The following CCDC50 variants were observed in gnomAD, a reference collection of about 807,000 sequenced individuals.
CCDC50 encodes the protein coiled-coil domain-containing protein 50.
In CCDC50, 54 loss-of-function variants were observed where a neutral mutation model predicts 70.2. The ratio of observed to expected loss-of-function variants is 0.77; its 90% CI spans 0.62 to 0.96. CCDC50 has a LOEUF of 0.96. CCDC50 is among the 50% of genes least tolerant of loss of function. The pLI, the probability that CCDC50 is intolerant of heterozygous loss-of-function variation, is 0.00. For missense variants in CCDC50, 558 were observed against 578.7 expected (o/e 0.96, Z 0.37); for synonymous variants, 216 against 198.8 (o/e 1.09, Z -0.73).
Position 191,350,281 on chromosome 3 carries a change from A to G in CCDC50, c.50-6807A>G, listed in dbSNP as rs1001918530. 6.3e-5 allele frequency among the ~76,000 whole-genome samples: 9 copies of G among 142,128 alleles called. 1 individual carries two copies. The highest frequency in any genetic ancestry group is 2.0e-4 in the African/African-American group (8 of 39,886). The allele number at this position is 142,128 out of a possible 152,430, so 93.2% of individuals were successfully genotyped here. A position where few individuals can be genotyped will look rare whatever the true frequency, so the allele number is the denominator to read the frequency against. On this transcript the variant is annotated intron_variant, in intron 1 of 11. Transcript: ENST00000392455. ...TATCTCTTGAATATCTTTCTTGTTCATAGTAGATGTTTTCATGTATACAGA... is the reference window on the plus strand; with the variant it reads ...TATCTCTTGAATATCTTTCTTGTTCGTAGTAGATGTTTTCATGTATACAGA...
At chr3:191,363,101 A>C (rs536712106) in intron 4 of CCDC50, among the ~76,000 whole-genome samples, 1 of 152,056 alleles carries the variant, frequency 6.6e-6, no homozygotes, top group Admixed American at 6.5e-5. Context: ...CGTTTAGAGA[A>C]AAACAGGATA....
At chr3:191,370,388 C>G (rs187558869) in intron 5 of CCDC50, 24 of 283,274 alleles carry the variant, frequency 8.5e-5, no homozygotes, top group African/African-American at 5.5e-4. Context: ...CAACAGGCCC[C>G]GGTGTGTGAT....
intron 1 of CCDC50, among the ~76,000 whole-genome samples, chr3:191,334,080 G>A (rs1353974138): frequency 2.0e-5 from 3 of 152,014 alleles, no homozygotes; most frequent in Non-Finnish European, 4.4e-5. Context: ...TTTGTTCTAA[G>A]TACAAAGCAA....
chr3:191,353,970 C>T (rs566936556), intron 1 of CCDC50, among the ~76,000 whole-genome samples: 2 of 152,194 alleles, frequency 1.3e-5, no homozygotes, highest in Non-Finnish European at 2.9e-5. Flanking sequence ...TTCAGTCTTG[C>T]TGTTGAGATA....
At chr3:191,356,267 T>C (rs191495851) in intron 1 of CCDC50, among the ~76,000 whole-genome samples, 1 of 152,030 alleles carries the variant, frequency 6.6e-6, no homozygotes, top group African/African-American at 2.4e-5. Flanking sequence ...AAATTGCAGC[T>C]TGGGGTAAAC....
At chr3:191,383,461 C>T (rs1479662253) in intron 10 of CCDC50, among the ~76,000 whole-genome samples, 1 of 151,300 alleles carries the variant, frequency 6.6e-6, no homozygotes, top group Non-Finnish European at 1.5e-5. Flanking sequence ...CGAAAGAAAA[C>T]ATGATTGGAA....
chr3:191,396,802 T>G lies in CCDC50; in HGVS notation c.*5042T>G, dbSNP rs553609335. On this transcript the variant is annotated 3_prime_UTR_variant, in exon 12 of 12. Coordinates refer to ENST00000392455, the MANE Select transcript of CCDC50 (RefSeq NM_178335.3). Reference sequence around the variant, plus strand: ...GAAAGACACCAGAGTGGTGATTCTGTTTGATGCCACAGGCTAACACAATCG... The same window carrying G: ...GAAAGACACCAGAGTGGTGATTCTGGTTGATGCCACAGGCTAACACAATCG... 1.1e-4 allele frequency: 17 copies of G among 152,320 alleles called. No individual in the cohort carries two copies. Among genetic ancestry groups the G allele is most frequent in the Admixed American group, 5.9e-4 (9 of 15,294 alleles). 9.4% of individuals were successfully genotyped at this position (152,320 alleles called of 1,614,324 possible). A position where few individuals can be genotyped will look rare whatever the true frequency, so the allele number is the denominator to read the frequency against.
intron 4 of CCDC50, among the ~76,000 whole-genome samples, chr3:191,361,869 G>T (rs1712502593): frequency 6.6e-6 from 1 of 152,134 alleles, no homozygotes; most frequent in South Asian, 2.1e-4. Flanking sequence ...TTTGAGTGGG[G>T]CCTGCACAGG....
intron 1 of CCDC50, among the ~76,000 whole-genome samples, chr3:191,350,799 G>A (rs293797): frequency 0.55 from 77,356 of 140,442 alleles, 29,283 homozygotes; most frequent in East Asian, 0.92. Flanking sequence ...GTTTAGATTT[G>A]GTTAATCTTG....
chr3:191,375,592 A>G lies in CCDC50; in HGVS notation c.976+3A>G. The G allele has an allele frequency of 6.2e-7, 1 of 1,612,692 alleles. No individual in the cohort carries two copies. Among genetic ancestry groups the G allele is most frequent in the Non-Finnish European group, 8.5e-7 (1 of 1,179,376 alleles). On this transcript the variant is annotated splice_donor_region_variant and intron_variant, in intron 6 of 11. Coordinates refer to ENST00000392455, the MANE Select transcript of CCDC50 (RefSeq NM_178335.3). ...GCAGCTCCACCTCCATGACGCAGGT[A>G]ATAGAGGACAGTCTCGATGGAAGTC...
At chr3:191,367,927 G>A (rs7637196) in intron 4 of CCDC50, among the ~76,000 whole-genome samples, 48,202 of 151,872 alleles carry the variant, frequency 0.32, 7,669 homozygotes, top group Non-Finnish European at 0.32. Flanking sequence ...TATCTGTCCC[G>A]TTCCTCTCTT....
At chr3:191,369,315 C>G (rs903402647) in intron 4 of CCDC50, among the ~76,000 whole-genome samples, 16 of 151,346 alleles carry the variant, frequency 1.1e-4, no homozygotes, top group African/African-American at 3.9e-4. Context: ...TTCTATGAAA[C>G]TTTTGTGTTC....
intron 10 of CCDC50, among the ~76,000 whole-genome samples, chr3:191,386,145 T>C (rs1182331033): frequency 6.6e-6 from 1 of 152,014 alleles, no homozygotes; most frequent in Non-Finnish European, 1.5e-5. Flanking sequence ...TTCTTTTAAA[T>C]CTGCAAAAAG....
chr3:191,375,138 G>T lies in CCDC50; in HGVS notation c.525G>T (p.Lys175Asn), dbSNP rs761351849. Residue 175 changes from lysine to asparagine, a missense_variant, in exon 6 of 12, where the codon AAG (lysine) becomes AAT (asparagine). Transcript: ENST00000392455. ...SRPCRLQRDG[K>N]TVKHKKEKPE... ...CTTGTAGACTCCAAAGAGATGGAAA[G>T]ACTGTGAAGCACAAGAAAGAGAAAC... 6.2e-7 allele frequency: 1 copy of T among 1,613,724 alleles called. No individual in the cohort carries two copies.
rs1712105694 is a variant in CCDC50, at chr3:191,351,533, T to C, written c.50-5555T>C. Among the ~76,000 whole-genome samples, 2 of 141,198 alleles carry C rather than the reference T, an allele frequency of 1.4e-5. 1 individual carries two copies. Among genetic ancestry groups the C allele is most frequent in the African/African-American group, 5.1e-5 (2 of 39,598 alleles). 92.6% of individuals were successfully genotyped at this position (141,198 alleles called of 152,430 possible). On this transcript the variant is annotated intron_variant, in intron 1 of 11. Transcript: ENST00000392455. ...TGCTCCTACAGTTATTGGTAGGGAA[T>C]TGGGGAGTGGGCTGTGTCTGGAGCT...
At chr3:191,385,173 A>T (rs1393721698) in intron 10 of CCDC50, among the ~76,000 whole-genome samples, 1 of 152,188 alleles carries the variant, frequency 6.6e-6, no homozygotes, top group Non-Finnish European at 1.5e-5. Context: ...TTTTGGGTAT[A>T]TACCCAGTAA....
intron 9 of CCDC50, among the ~76,000 whole-genome samples, chr3:191,381,317 A>G (rs1352205002): frequency 1.3e-5 from 2 of 152,102 alleles, no homozygotes; most frequent in African/African-American, 2.4e-5. Flanking sequence ...TGCTTACATT[A>G]TCTTTCATCT....
At chr3:191,366,798 G>T (rs2572056) in intron 4 of CCDC50, among the ~76,000 whole-genome samples, 1 of 152,010 alleles carries the variant, frequency 6.6e-6, no homozygotes, top group Non-Finnish European at 1.5e-5. Flanking sequence ...GTGTTCTCAG[G>T]AAGAGGCTTG....
At chr3:191,329,772 C>T (rs753595322) in intron 1 of CCDC50, 49 bp downstream of exon 1, 12 of 1,582,632 alleles carry the variant, frequency 7.6e-6, no homozygotes, top group Non-Finnish European at 9.5e-6. Flanking sequence ...TCTCCCAGCC[C>T]GAGGTTCTCT....
Sources: gnomAD v4.1 joint callset for allele counts (sites outside exome capture counted in the v4.1 genomes callset) on GRCh38, gnomAD v4.1.1 for gene constraint, MANE v1.5 for transcripts, NCBI Gene and HGNC (gene_info 2026-07-23, HGNC 2026-07-21) for gene names.